Variants in SIK2 observed in about 807,000 individuals in gnomAD.
SIK2 encodes the protein salt inducible kinase 2, also known as serine/threonine-protein kinase SIK2.
SIK2 carries 29 observed loss-of-function variants against 103.2 expected under a neutral mutation model. The observed-to-expected ratio is 0.28, with a 90% CI of 0.21 to 0.38. The LOEUF is 0.38. SIK2 is among the 10% of genes least tolerant of loss of function. The probability of loss-of-function intolerance (pLI) is 1.00; values close to 1 mark genes in which losing one functional copy is unlikely to be tolerated. For synonymous variants in SIK2, 412 were observed against 446.1 expected (o/e 0.92, Z 0.96); for missense variants, 879 against 1,171.0 (o/e 0.75, Z 3.64).
At chr11:111,652,313 A>ATT (rs374926811) in intron 3 of SIK2, among the ~76,000 whole-genome samples, 3 of 152,122 alleles carry the variant, frequency 2.0e-5, no homozygotes, top group Non-Finnish European at 4.4e-5. Flanking sequence ...GTTTTTAGCC[A>ATT]TTTTTTTCAG....
chr11:111,632,294 A>G (rs1190889088), intron 3 of SIK2, among the ~76,000 whole-genome samples: 5 of 152,174 alleles, frequency 3.3e-5, no homozygotes, highest in Non-Finnish European at 7.4e-5. Flanking sequence ...GGCATTTCTA[A>G]TAAGAGGTAC....
chr11:111,714,132 G>A (rs1377025053), intron 9 of SIK2, among the ~76,000 whole-genome samples: 1 of 152,184 alleles, frequency 6.6e-6, no homozygotes, highest in Non-Finnish European at 1.5e-5. Flanking sequence ...AACCGGGGGT[G>A]AGGAGTGATG....
At chr11:111,693,814 T>C (rs757772622) in intron 4 of SIK2, among the ~76,000 whole-genome samples, 1 of 152,116 alleles carries the variant, frequency 6.6e-6, no homozygotes, top group Non-Finnish European at 1.5e-5. Flanking sequence ...CAGGAACAGA[T>C]TATAGGGATT....
rs1943525111 is a variant in SIK2 at position 111,712,394 on chromosome 11, G to A, written c.1266+19G>A. ...TCCAAAGGTACGGCTATGTTTGAGAGTCTCAGAACTGGCAGTTTGGCGAGA... is the reference window on the plus strand; with the variant it reads ...TCCAAAGGTACGGCTATGTTTGAGAATCTCAGAACTGGCAGTTTGGCGAGA... On this transcript the variant is annotated intron_variant, in intron 9 of 14. Coordinates refer to ENST00000304987, the MANE Select transcript of SIK2 (RefSeq NM_015191.3). 6.2e-7 allele frequency: 1 copy of A among 1,604,464 alleles called. No homozygotes were observed. The highest frequency in any genetic ancestry group is 1.3e-5 in the African/African-American group (1 of 74,668).
chr11:111,656,036 A>C (rs1388760432), intron 3 of SIK2, among the ~76,000 whole-genome samples: 1 of 151,840 alleles, frequency 6.6e-6, no homozygotes, highest in Non-Finnish European at 1.5e-5. Context: ...AAAAAAAAAA[A>C]AAAAATAGCC....
chr11:111,707,186 G>C (rs1263084265), intron 8 of SIK2, among the ~76,000 whole-genome samples: 4 of 152,094 alleles, frequency 2.6e-5, no homozygotes, highest in Non-Finnish European at 5.9e-5. Context: ...TAGGAAGCTG[G>C]AAAGCCCCCA....
intron 1 of SIK2, among the ~76,000 whole-genome samples, chr11:111,611,842 A>G (rs964396651): frequency 2.6e-5 from 4 of 152,228 alleles, no homozygotes; most frequent in Non-Finnish European, 5.9e-5. Flanking sequence ...TATGTTGAGA[A>G]CTAAATAAGA....
At chr11:111,629,135 C>A (rs967964412) in intron 3 of SIK2, among the ~76,000 whole-genome samples, 5 of 152,104 alleles carry the variant, frequency 3.3e-5, no homozygotes, top group Non-Finnish European at 4.4e-5. Flanking sequence ...TTGTCAGAAT[C>A]ATGAGAAAAG....
chr11:111,616,189 A>G, intron 1 of SIK2, 54 bp from the exon 2 acceptor site: 1 of 1,219,566 alleles, frequency 8.2e-7, no homozygotes, highest in Non-Finnish European at 1.2e-6. Flanking sequence ...ATTCTTAACT[A>G]GAAAATGTTA....
chr11:111,689,350 T>C (rs919419300), intron 4 of SIK2, among the ~76,000 whole-genome samples: 1 of 152,118 alleles, frequency 6.6e-6, no homozygotes, highest in East Asian at 1.9e-4. Flanking sequence ...ATGTCAGAAA[T>C]ATGTCTCTGG....
chr11:111,682,484 G>A (rs901973449), intron 3 of SIK2, among the ~76,000 whole-genome samples: 3 of 152,170 alleles, frequency 2.0e-5, no homozygotes. Flanking sequence ...TTGGGTATTA[G>A]ATGATAATAA....
intron 1 of SIK2, 100 bp from the exon 2 acceptor site, chr11:111,616,143 A>T: frequency 1.4e-6 from 1 of 717,906 alleles, no homozygotes; most frequent in Non-Finnish European, 2.4e-6. Context: ...AGTGTCAGGA[A>T]CCTACAGGTG....
intron 9 of SIK2, among the ~76,000 whole-genome samples, chr11:111,719,018 C>A (rs1024847001): frequency 6.6e-6 from 1 of 152,146 alleles, no homozygotes; most frequent in East Asian, 1.9e-4. Flanking sequence ...GCTGCGCTCA[C>A]CCCTGTGGGA....
chr11:111,615,030 T>G (rs1479425476), intron 1 of SIK2, among the ~76,000 whole-genome samples: 1 of 151,984 alleles, frequency 6.6e-6, no homozygotes, highest in East Asian at 1.9e-4. Flanking sequence ...TCCCAGCTAC[T>G]TGGGAAGCTG....
chr11:111,687,406 T>C (rs191757788), intron 3 of SIK2, among the ~76,000 whole-genome samples: 225 of 150,826 alleles, frequency 1.5e-3, no homozygotes, highest in African/African-American at 5.2e-3. Flanking sequence ...TCCCAGCTAC[T>C]CGGGAGGCTG....
rs781577952 is a variant in SIK2, at chr11:111,727,115, C to A, written c.*2986C>A. On this transcript the variant is annotated 3_prime_UTR_variant, in exon 15 of 15. Coordinates refer to ENST00000304987, the MANE Select transcript of SIK2 (RefSeq NM_015191.3). ...AAGAGGGGGCCCACTTTCACATTCC[C>A]GGTGACACTGACCGTCCCCAGCTGC... 3 of 1,476,634 alleles carry A rather than the reference C, an allele frequency of 2.0e-6. No homozygotes were observed. The African/African-American group carries it at 4.2e-5, about 20-fold the overall frequency. The allele number at this position is 1,476,634 out of a possible 1,614,324, so 91.5% of individuals were successfully genotyped here.
At chr11:111,676,546 G>T (rs1030137914) in intron 3 of SIK2, among the ~76,000 whole-genome samples, 4 of 152,072 alleles carry the variant, frequency 2.6e-5, no homozygotes, top group African/African-American at 9.7e-5. Flanking sequence ...GAACCATCCA[G>T]CTTGGCTTCA....
intron 1 of SIK2, among the ~76,000 whole-genome samples, chr11:111,609,425 G>A (rs1233491206): frequency 6.6e-6 from 1 of 152,050 alleles, no homozygotes; most frequent in Non-Finnish European, 1.5e-5. Context: ...AGGCTCAAGT[G>A]ATCTTCCCAC....
At chr11:111,662,859 T>G (rs1429215617) in intron 3 of SIK2, among the ~76,000 whole-genome samples, 1 of 149,326 alleles carries the variant, frequency 6.7e-6, no homozygotes, top group African/African-American at 2.5e-5. Flanking sequence ...GCCTGGGAGA[T>G]GGGCGAGACC....
Sources: allele counts gnomAD v4.1 joint callset (sites outside exome capture counted in the v4.1 genomes callset), GRCh38; gene constraint gnomAD v4.1.1; transcripts MANE v1.5; gene names NCBI Gene and HGNC (gene_info 2026-07-23, HGNC 2026-07-21).